Variants in UCK2 observed in about 807,000 individuals in gnomAD.
The protein encoded by UCK2 is cytidine monophosphokinase 2.
A neutral mutation model predicts 30.8 loss-of-function variants in UCK2; 6 were observed. The ratio of observed to expected loss-of-function variants is 0.19; its 90% CI spans 0.11 to 0.38. The LOEUF is 0.38. Ranked by LOEUF, UCK2 falls within the 10% of genes least tolerant of loss-of-function variation. The pLI, the probability that UCK2 is intolerant of heterozygous loss-of-function variation, is 1.00. For synonymous variants in UCK2, 125 were observed against 133.6 expected (o/e 0.94, Z 0.45); for missense variants, 210 against 339.8 (o/e 0.62, Z 3.00).
intron 1 of UCK2, 73 bp downstream of exon 1, chr1:165,828,005 G>A (rs1332085445): frequency 1.6e-5 from 19 of 1,164,128 alleles, no homozygotes; most frequent in African/African-American, 3.2e-5. Context: ...CGGCGGCCGC[G>A]GGCCGTGTCA....
chr1:165,903,110 C>A, intron 4 of UCK2, 72 bp from the exon 5 acceptor site: 1 of 1,180,046 alleles, frequency 8.5e-7, no homozygotes, highest in South Asian at 1.4e-5. Context: ...GGAGCTAGGT[C>A]CACCCCATGA....
At chr1:165,849,162 T>C (rs1457124144) in intron 1 of UCK2, among the ~76,000 whole-genome samples, 2 of 152,140 alleles carry the variant, frequency 1.3e-5, no homozygotes, top group Non-Finnish European at 2.9e-5. Flanking sequence ...GATCTAATAA[T>C]TGGAATGTCA....
chr1:165,891,281 A>G lies in UCK2; in HGVS notation c.315A>G (p.Lys105=), dbSNP rs768592466. 7 of 1,614,216 alleles carry G rather than the reference A, an allele frequency of 4.3e-6. No homozygotes were observed. In the East Asian group the frequency reaches 1.3e-4, roughly 31 times the overall value. Residue 105 remains lysine (K), a synonymous_variant, in exon 3 of 7, where the codon AAA becomes AAG. Coordinates refer to ENST00000367879, the MANE Select transcript of UCK2 (RefSeq NM_012474.5). The part of the protein sequence containing the change: ...LKTLKEITEG[K]TVQIPVYDFV... ...CACTCAAAGAAATCACTGAAGGGAA[A>G]ACAGTCCAGATCCCCGTGTATGACT...
intron 5 of UCK2, 91 bp from the exon 6 acceptor site, chr1:165,905,830 A>G: frequency 8.2e-7 from 1 of 1,220,724 alleles, no homozygotes; most frequent in Non-Finnish European, 1.2e-6. Context: ...GCTAGTATGA[A>G]TGCTGCCCTT....
chr1:165,854,179 G>T (rs1654667703), intron 1 of UCK2, among the ~76,000 whole-genome samples: 1 of 152,138 alleles, frequency 6.6e-6, no homozygotes, highest in South Asian at 2.1e-4. Flanking sequence ...ATCTGGAGTG[G>T]CTTCACCAGG....
At chr1:165,834,873 A>G (rs2101848468) in intron 1 of UCK2, among the ~76,000 whole-genome samples, 1 of 152,288 alleles carries the variant, frequency 6.6e-6, no homozygotes, top group East Asian at 1.9e-4. Context: ...TTCCTGTCCC[A>G]TGTAGTGTTT....
Position 165,902,246 on chromosome 1 carries a change from A to G in UCK2, c.500-936A>G, listed in dbSNP as rs1647501943. Among the ~76,000 whole-genome samples, 3 of 152,058 alleles carry G rather than the reference A, an allele frequency of 2.0e-5. No individual in the cohort carries two copies. The South Asian group carries it at 6.2e-4, about 32-fold the overall frequency. On this transcript the variant is annotated intron_variant, in intron 4 of 6. Transcript: ENST00000367879. ...GTGATGAGACTCTGTCTCAAAAACA[A>G]ACAAACAAAAAATTAGTCCATTGAG...
chr1:165,907,825 C>T lies in UCK2; in HGVS notation c.*2C>T. On this transcript the variant is annotated 3_prime_UTR_variant, in exon 7 of 7. Coordinates refer to ENST00000367879, the MANE Select transcript of UCK2 (RefSeq NM_012474.5). The stretch of plus-strand genomic sequence containing the variant: ...GAGTCCAGCAGCAGGCCGCATTGAC[C>T]CGTCTCCATCGGACCCCAGCCCCTA... 1 of 1,613,896 alleles carries T rather than the reference C, an allele frequency of 6.2e-7. No individual in the cohort carries two copies. The highest frequency in any genetic ancestry group is 1.3e-5 in the African/African-American group (1 of 75,054).
chr1:165,879,545 T>TTTTTTATTATTA (rs1553199403), intron 1 of UCK2, among the ~76,000 whole-genome samples: 7 of 146,836 alleles, frequency 4.8e-5, no homozygotes, highest in East Asian at 2.0e-4. Flanking sequence ...ATGTTTGCTT[T>TTTTTTATTATTA]TTATTATTAT....
At chr1:165,890,139 G>A (rs1471728466) in intron 1 of UCK2, 65 bp from the exon 2 acceptor site, 6 of 1,580,252 alleles carry the variant, frequency 3.8e-6, no homozygotes, top group African/African-American at 2.7e-5. Context: ...GGTTACTCTC[G>A]GGACTTCCTC....
chr1:165,870,906 C>T (rs1655181221), intron 1 of UCK2, among the ~76,000 whole-genome samples: 1 of 152,226 alleles, frequency 6.6e-6, no homozygotes, highest in Non-Finnish European at 1.5e-5. Flanking sequence ...CAACCTCCGC[C>T]GTCCAGGTTC....
chr1:165,833,909 T>C (rs1398129983), intron 1 of UCK2, among the ~76,000 whole-genome samples: 1 of 152,114 alleles, frequency 6.6e-6, no homozygotes, highest in Non-Finnish European at 1.5e-5. Flanking sequence ...GATCTTTTCA[T>C]CATATATATA....
intron 1 of UCK2, among the ~76,000 whole-genome samples, chr1:165,855,510 CTTTTTTTTTTTT>C (rs76464312): frequency 7.8e-6 from 1 of 128,246 alleles, no homozygotes; most frequent in African/African-American, 2.9e-5. Context: ...TTTTTCTTTT[CTTTTTTTTTTTT>C]TTTTTTCTTG....
chr1:165,830,988 AG>A (rs1654032955), intron 1 of UCK2, among the ~76,000 whole-genome samples: 1 of 152,202 alleles, frequency 6.6e-6, no homozygotes. Flanking sequence ...ATCCAGGTGC[AG>A]TGCTGCAGGT....
At chr1:165,866,277 G>T (rs1415312393) in intron 1 of UCK2, among the ~76,000 whole-genome samples, 3 of 152,134 alleles carry the variant, frequency 2.0e-5, no homozygotes, top group Non-Finnish European at 4.4e-5. Flanking sequence ...TGTGAAAATG[G>T]CTGTAGGACA....
At chr1:165,890,443 G>T (rs1655737830) in intron 2 of UCK2, 80 bp downstream of exon 2, 4 of 1,443,828 alleles carry the variant, frequency 2.8e-6, no homozygotes, top group Non-Finnish European at 2.9e-6. Context: ...TGAGGAAGTT[G>T]CTTAACCTCT....
intron 1 of UCK2, among the ~76,000 whole-genome samples, chr1:165,871,215 A>C (rs1334944645): frequency 6.6e-6 from 1 of 152,168 alleles, no homozygotes; most frequent in African/African-American, 2.4e-5. Flanking sequence ...ATGGTATGGA[A>C]AAAAACAGGA....
intron 1 of UCK2, among the ~76,000 whole-genome samples, chr1:165,835,151 T>C (rs765838923): frequency 7.9e-5 from 12 of 152,094 alleles, no homozygotes; most frequent in East Asian, 5.8e-4. Flanking sequence ...AGCACTGTCT[T>C]TGCCCTTCGC....
Position 165,846,446 on chromosome 1 carries a change from TAAACAAAACA to T in UCK2, c.99+18530_99+18539del, listed in dbSNP as rs144790251. 1.1e-3 allele frequency among the ~76,000 whole-genome samples: 166 copies of T among 152,154 alleles called. 1 individual carries two copies. The highest frequency in any genetic ancestry group is 3.8e-3 in the African/African-American group (158 of 41,412). ...AGAAAAAAGAGACTGCCCTTTTTTT[TAAACAAAACA>T]AAACAAAACAAAACATCTGGAAGTT... On this transcript the variant is annotated intron_variant, in intron 1 of 6. Coordinates refer to ENST00000367879, the MANE Select transcript of UCK2 (RefSeq NM_012474.5).
Sources: allele counts gnomAD v4.1 joint callset (sites outside exome capture counted in the v4.1 genomes callset), GRCh38; gene constraint gnomAD v4.1.1; transcripts MANE v1.5; gene names NCBI Gene and HGNC (gene_info 2026-07-23, HGNC 2026-07-21).